Variants in SCIN observed in about 807,000 individuals in gnomAD.
The protein encoded by SCIN is scinderin, also known as adseverin.
In SCIN, 91 loss-of-function variants were observed where a neutral mutation model predicts 91.8. The ratio of observed to expected loss-of-function variants is 0.99; its 90% CI spans 0.84 to 1.18. The LOEUF is 1.18. SCIN is among the 50% of genes most tolerant of loss of function. The pLI is 0.00. For missense variants in SCIN, 1,087 were observed against 863.9 expected, an observed-to-expected ratio of 1.26 and a Z score of -3.24; for synonymous variants, 367 against 312.6, an observed-to-expected ratio of 1.17 and a Z score of -1.84.
At chr7:12,638,789 ATAAGT>A (rs1188242494) in intron 10 of SCIN, among the ~76,000 whole-genome samples, 1 of 152,238 alleles carries the variant, frequency 6.6e-6, no homozygotes, top group African/African-American at 2.4e-5. Flanking sequence ...CTTTTTAAAA[ATAAGT>A]TAACTTGCTA....
At chr7:12,585,797 A>G (rs1782575456) in intron 3 of SCIN, among the ~76,000 whole-genome samples, 1 of 152,160 alleles carries the variant, frequency 6.6e-6, no homozygotes, top group Non-Finnish European at 1.5e-5. Flanking sequence ...AGTGCCTGAC[A>G]CATTCCTTCA....
chr7:12,628,418 G>C (rs577683297), intron 8 of SCIN, among the ~76,000 whole-genome samples: 1 of 152,198 alleles, frequency 6.6e-6, no homozygotes, highest in African/African-American at 2.4e-5. Flanking sequence ...GTGTTTGGTG[G>C]AGGATCCACT....
intron 4 of SCIN, among the ~76,000 whole-genome samples, chr7:12,609,208 C>T (rs902789898): frequency 6.6e-6 from 1 of 152,046 alleles, no homozygotes; most frequent in South Asian, 2.1e-4. Flanking sequence ...GTGTGCTCAC[C>T]CTCCTTTCTG....
intron 4 of SCIN, among the ~76,000 whole-genome samples, chr7:12,621,485 G>A (rs1783406051): frequency 6.6e-6 from 1 of 152,112 alleles, no homozygotes; most frequent in Non-Finnish European, 1.5e-5. Flanking sequence ...TATTAGATAT[G>A]CCCTTAACAC....
rs1782477240 is a variant in SCIN at position 12,581,052 on chromosome 7, T to C, written c.355-8T>C. The C allele has an allele frequency of 6.5e-7, 1 of 1,549,736 alleles. No individual in the cohort carries two copies. Among genetic ancestry groups the C allele is most frequent in the Admixed American group, 2.0e-5 (1 of 50,806 alleles). Reference sequence around the variant, plus strand: ...TTTTTTGTGTGTCTGTCTTCCCTCATTCATCAGGCTGGAGGCGTGGCATCT... The same window carrying C: ...TTTTTTGTGTGTCTGTCTTCCCTCACTCATCAGGCTGGAGGCGTGGCATCT... On this transcript the variant is annotated splice_region_variant and splice_polypyrimidine_tract_variant and intron_variant, in intron 2 of 15. Coordinates refer to ENST00000297029, the MANE Select transcript of SCIN (RefSeq NM_001112706.3).
At position 12,578,229 on chromosome 7, in the gene SCIN, C is replaced by G. The variant is rs116948313; in HGVS notation, c.354+11C>G. 8 of 1,539,808 alleles carry G rather than the reference C, an allele frequency of 5.2e-6. No homozygotes were observed. In the African/African-American group the frequency reaches 9.6e-5, roughly 19 times the overall value. On this transcript the variant is annotated intron_variant, in intron 2 of 15. Transcript: ENST00000297029. ...GGTCTGAAATACAAGGTAAGCAGCT[C>G]CCTCAGTTTCCATTATGAATCCCTT...
At chr7:12,641,485 T>G (rs938914585) in intron 11 of SCIN, among the ~76,000 whole-genome samples, 1 of 152,152 alleles carries the variant, frequency 6.6e-6, no homozygotes, top group African/African-American at 2.4e-5. Context: ...TCTAGACCTC[T>G]TGTGCTTTCA....
chr7:12,620,737 A>G (rs547626235), intron 4 of SCIN, among the ~76,000 whole-genome samples: 2 of 152,278 alleles, frequency 1.3e-5, no homozygotes, highest in South Asian at 4.1e-4. Context: ...GAGAGAATAG[A>G]GATACATTGA....
intron 13 of SCIN, among the ~76,000 whole-genome samples, chr7:12,648,238 A>AT (rs1417219329): frequency 2.0e-5 from 3 of 150,806 alleles, no homozygotes; most frequent in African/African-American, 7.3e-5. Context: ...ATGTCATCTT[A>AT]TTGAAATTTT....
chr7:12,571,254 G>A, intron 1 of SCIN: 2 of 499,638 alleles, frequency 4.0e-6, no homozygotes, highest in South Asian at 2.7e-5. Flanking sequence ...CTTTGGAGCT[G>A]GTGACTGGCT....
At chr7:12,588,803 T>TTGGG in intron 3 of SCIN, 1 of 3,538 alleles carries the variant, frequency 2.8e-4, no homozygotes, top group African/African-American at 1.1e-3. Flanking sequence ...GACAGCTGCA[T>TTGGG]TGGGTGGGGG....
chr7:12,628,962 G>T, intron 8 of SCIN, 139 bp from the exon 9 acceptor site: 1 of 727,178 alleles, frequency 1.4e-6, no homozygotes. Flanking sequence ...CAATTTCTTT[G>T]CTTGATTTGT....
At chr7:12,582,455 G>C (rs149100031) in intron 3 of SCIN, among the ~76,000 whole-genome samples, 2 of 152,120 alleles carry the variant, frequency 1.3e-5, no homozygotes, top group Non-Finnish European at 2.9e-5. Context: ...TTAAGTGAGC[G>C]TGCATCTATA....
At chr7:12,632,311 A>G (rs1235857169) in intron 9 of SCIN, among the ~76,000 whole-genome samples, 1 of 151,754 alleles carries the variant, frequency 6.6e-6, no homozygotes, top group East Asian at 1.9e-4. Context: ...TTGTATTTTT[A>G]GTAGAGATAG....
chr7:12,614,517 G>A (rs770955706), intron 4 of SCIN, among the ~76,000 whole-genome samples: 1 of 152,094 alleles, frequency 6.6e-6, no homozygotes, highest in Admixed American at 6.6e-5. Flanking sequence ...AGGACTTGGG[G>A]GCAGGTTGTT....
chr7:12,630,846 G>A (rs960091939), intron 9 of SCIN, among the ~76,000 whole-genome samples: 1 of 152,124 alleles, frequency 6.6e-6, no homozygotes, highest in Admixed American at 6.5e-5. Context: ...ATCAATACCA[G>A]GTAGTTATGT....
intron 3 of SCIN, among the ~76,000 whole-genome samples, chr7:12,602,324 A>T (rs1318218907): frequency 6.6e-6 from 1 of 152,228 alleles, no homozygotes; most frequent in African/African-American, 2.4e-5. Flanking sequence ...AACAAAGATC[A>T]CATGCTTCTG....
intron 8 of SCIN, among the ~76,000 whole-genome samples, chr7:12,628,789 A>G (rs1583310020): frequency 1.3e-5 from 2 of 152,138 alleles, no homozygotes; most frequent in African/African-American, 2.4e-5. Context: ...TCTGAGCTGA[A>G]TCTTGCAGTT....
At chr7:12,582,863 A>C (rs531359908) in intron 3 of SCIN, among the ~76,000 whole-genome samples, 1 of 152,200 alleles carries the variant, frequency 6.6e-6, no homozygotes, top group Non-Finnish European at 1.5e-5. Context: ...CTTATGCACA[A>C]TAATTTTCTA....
Sources: allele counts gnomAD v4.1 joint callset (sites outside exome capture counted in the v4.1 genomes callset), GRCh38; gene constraint gnomAD v4.1.1; transcripts MANE v1.5; gene names NCBI Gene and HGNC (gene_info 2026-07-23, HGNC 2026-07-21).